Variants in NMNAT2 observed in about 807,000 individuals in gnomAD.
NMNAT2 encodes nicotinamide nucleotide adenylyltransferase 2, also known as nicotinamide/nicotinic acid mononucleotide adenylyltransferase 2.
A neutral mutation model predicts 41.6 loss-of-function variants in NMNAT2; 11 were observed. That is an observed-to-expected ratio of 0.26 (90% confidence interval 0.17 to 0.44). NMNAT2 has a LOEUF of 0.44. NMNAT2 is among the 20% of genes least tolerant of loss of function. The pLI is 1.00. For synonymous variants in NMNAT2, 148 were observed against 151.2 expected, an observed-to-expected ratio of 0.98 and a Z score of 0.16; for missense variants, 288 against 407.7, an observed-to-expected ratio of 0.71 and a Z score of 2.53.
intron 1 of NMNAT2, among the ~76,000 whole-genome samples, chr1:183,361,219 C>T (rs1373857296): frequency 1.3e-5 from 2 of 152,208 alleles, no homozygotes; most frequent in Non-Finnish European, 2.9e-5. Context: ...ATTTGACTAC[C>T]GAGTCTGGAC....
At chr1:183,277,592 A>C (rs970054158) in intron 8 of NMNAT2, among the ~76,000 whole-genome samples, 2 of 150,948 alleles carry the variant, frequency 1.3e-5, no homozygotes, top group Admixed American at 6.6e-5. Flanking sequence ...CTTGAGCCTG[A>C]CCCTGTCCTG....
At chr1:183,323,241 G>T (rs574681506) in intron 1 of NMNAT2, among the ~76,000 whole-genome samples, 1 of 152,202 alleles carries the variant, frequency 6.6e-6, no homozygotes, top group African/African-American at 2.4e-5. Flanking sequence ...CACAAAACTA[G>T]ATTCTTCATA....
chr1:183,354,556 C>T (rs192821090), intron 1 of NMNAT2, among the ~76,000 whole-genome samples: 2 of 151,994 alleles, frequency 1.3e-5, no homozygotes, highest in African/African-American at 4.8e-5. Flanking sequence ...GGACTACAGG[C>T]ATGTGCCACT....
At chr1:183,322,605 C>T (rs1662376942) in intron 1 of NMNAT2, among the ~76,000 whole-genome samples, 1 of 152,204 alleles carries the variant, frequency 6.6e-6, no homozygotes, top group South Asian at 2.1e-4. Context: ...AGTCTACAGA[C>T]TGAGCAGCGG....
intron 1 of NMNAT2, among the ~76,000 whole-genome samples, chr1:183,360,949 AC>A (rs1286794416): frequency 2.0e-5 from 3 of 152,288 alleles, no homozygotes; most frequent in African/African-American, 7.2e-5. Flanking sequence ...TTCTTTATTT[AC>A]CCTAGCTCTC....
At position 183,251,477 on chromosome 1, in the gene NMNAT2, G is replaced by C. The variant is rs568665831; in HGVS notation, c.*1164C>G. 1.3e-5 allele frequency: 2 copies of C among 152,406 alleles called. No homozygotes were observed. The highest frequency in any genetic ancestry group is 3.9e-4 in the East Asian group (2 of 5,192). The allele number at this position is 152,406 out of a possible 1,614,324, so 9.4% of individuals were successfully genotyped here. ...TAATTCCAATTAGCAAAGACCTCCAGGGTTGAGTGGACTCCTAGTGTTTTT... is the reference window on the plus strand; with the variant it reads ...TAATTCCAATTAGCAAAGACCTCCACGGTTGAGTGGACTCCTAGTGTTTTT... On this transcript the variant is annotated 3_prime_UTR_variant, in exon 11 of 11. Transcript: ENST00000287713.
At chr1:183,280,004 C>T (rs772241791) in intron 7 of NMNAT2, among the ~76,000 whole-genome samples, 15 of 152,184 alleles carry the variant, frequency 9.9e-5, no homozygotes, top group Non-Finnish European at 1.9e-4. Flanking sequence ...GGCTGCCTTC[C>T]GGGCAATCTG....
intron 3 of NMNAT2, among the ~76,000 whole-genome samples, chr1:183,292,415 C>G (rs1661567135): frequency 6.6e-6 from 1 of 152,180 alleles, no homozygotes; most frequent in Non-Finnish European, 1.5e-5. Flanking sequence ...AGGGAACATT[C>G]CCTGAAAGGT....
At chr1:183,338,149 TAAAAAA>T (rs59064477) in intron 1 of NMNAT2, among the ~76,000 whole-genome samples, 2 of 96,402 alleles carry the variant, frequency 2.1e-5, no homozygotes, top group East Asian at 3.8e-4. Context: ...CCCATCTCTT[TAAAAAA>T]AAAAAAAAAA....
chr1:183,388,147 C>CTTT (rs1190082599), intron 1 of NMNAT2, among the ~76,000 whole-genome samples: 30 of 152,294 alleles, frequency 2.0e-4, no homozygotes, highest in African/African-American at 7.2e-4. Context: ...CAAAGTGGTC[C>CTTT]AGCTACAAGT....
At chr1:183,416,716 G>C (rs1021210727) in intron 1 of NMNAT2, among the ~76,000 whole-genome samples, 1 of 152,148 alleles carries the variant, frequency 6.6e-6, no homozygotes, top group Non-Finnish European at 1.5e-5. Context: ...TTTGCTCAAA[G>C]TAGTTCTATA....
chr1:183,383,429 C>T (rs1214296292), intron 1 of NMNAT2, among the ~76,000 whole-genome samples: 3 of 152,228 alleles, frequency 2.0e-5, no homozygotes, highest in East Asian at 1.9e-4. Flanking sequence ...GCAGCTGGCT[C>T]GAATTCCTCC....
At chr1:183,308,408 A>T (rs1662042502) in intron 1 of NMNAT2, among the ~76,000 whole-genome samples, 1 of 152,262 alleles carries the variant, frequency 6.6e-6, no homozygotes, top group African/African-American at 2.4e-5. Flanking sequence ...AGCATCTATC[A>T]AAATGATAGA....
chr1:183,385,543 G>A (rs1648211329), intron 1 of NMNAT2, among the ~76,000 whole-genome samples: 1 of 151,874 alleles, frequency 6.6e-6, no homozygotes, highest in African/African-American at 2.4e-5. Flanking sequence ...ACAGGGGTGT[G>A]GCCTGGCACC....
At chr1:183,311,090 C>T (rs1231836762) in intron 1 of NMNAT2, among the ~76,000 whole-genome samples, 2 of 152,136 alleles carry the variant, frequency 1.3e-5, no homozygotes, top group African/African-American at 4.8e-5. Flanking sequence ...TGGTCTAGAA[C>T]CAGCTCCTGC....
intron 8 of NMNAT2, 49 bp from the exon 9 acceptor site, chr1:183,261,352 C>A (rs1369144014): frequency 1.1e-5 from 16 of 1,485,238 alleles, no homozygotes; most frequent in Admixed American, 1.7e-5. Context: ...ATCCCAAACT[C>A]CTACCAAGCA....
intron 1 of NMNAT2, among the ~76,000 whole-genome samples, chr1:183,330,107 C>T (rs1311190797): frequency 6.6e-6 from 1 of 152,218 alleles, no homozygotes; most frequent in Non-Finnish European, 1.5e-5. Flanking sequence ...AATCCCAGCT[C>T]TACCACTCCC....
At chr1:183,303,782 A>C (rs1265399643) in intron 1 of NMNAT2, among the ~76,000 whole-genome samples, 1 of 152,224 alleles carries the variant, frequency 6.6e-6, no homozygotes, top group Non-Finnish European at 1.5e-5. Context: ...CGGTCCATGA[A>C]GTTTGATCCA....
chr1:183,260,750 C>T (rs1242372283), intron 10 of NMNAT2, among the ~76,000 whole-genome samples: 4 of 135,988 alleles, frequency 2.9e-5, no homozygotes, highest in African/African-American at 1.1e-4. Flanking sequence ...ACCCAGGAGG[C>T]GGGGGTTGCA....
Sources: allele counts gnomAD v4.1 joint callset (sites outside exome capture counted in the v4.1 genomes callset), GRCh38; gene constraint gnomAD v4.1.1; transcripts MANE v1.5; gene names NCBI Gene and HGNC (gene_info 2026-07-23, HGNC 2026-07-21).